EXD3: variants seen among roughly 807,000 people sequenced by gnomAD.
The protein encoded by EXD3 is exonuclease 3'-5' domain containing 3.
In EXD3, 92 loss-of-function variants were observed where a neutral mutation model predicts 98.0. The observed-to-expected ratio is 0.94, with a 90% CI of 0.79 to 1.12. The LOEUF (loss-of-function observed/expected upper bound fraction) is 1.12. Among genes scored for constraint, EXD3 ranks in the 50% most tolerant of loss-of-function variants. EXD3 has a pLI of 0.00. For missense variants in EXD3, 1,222 were observed against 1,191.6 expected, an observed-to-expected ratio of 1.03 and a Z score of -0.38; for synonymous variants, 569 against 526.0, an observed-to-expected ratio of 1.08 and a Z score of -1.12.
intron 17 of EXD3, among the ~76,000 whole-genome samples, chr9:137,342,786 A>G (rs1165273594): frequency 6.6e-6 from 1 of 152,210 alleles, no homozygotes; most frequent in Non-Finnish European, 1.5e-5. Context: ...ATAAAGTGCA[A>G]ATAGCTAGGG....
intron 17 of EXD3, among the ~76,000 whole-genome samples, chr9:137,336,625 T>A (rs1208553956): frequency 7.3e-6 from 1 of 136,734 alleles, no homozygotes; most frequent in African/African-American, 2.8e-5. Flanking sequence ...GCCACTGCAC[T>A]CCAGCCTGGG....
At position 137,349,100 on chromosome 9, in the gene EXD3, C is replaced by T; in HGVS notation, c.1830+10G>A. 1.3e-6 allele frequency: 2 copies of T among 1,587,966 alleles called. No individual in the cohort carries two copies. The highest frequency in any genetic ancestry group is 2.2e-5 in the South Asian group (2 of 89,444). On this transcript the variant is annotated intron_variant, in intron 16 of 21. Transcript: ENST00000340951. The surrounding 1 kb of genome is among the most constrained non-coding windows in gnomAD (Gnocchi z 7.4). Reference sequence around the variant, plus strand: ...ATGCTGACAAACGGACCCTGCGGGGCTTCACCCACCTGCCTGGGTGCGGCC... The same window carrying T: ...ATGCTGACAAACGGACCCTGCGGGGTTTCACCCACCTGCCTGGGTGCGGCC...
In EXD3 at chr9:137,351,123, T is replaced by G. The variant is rs747041693; in HGVS notation, c.1409A>C (p.Gln470Pro). 1.5e-5 allele frequency: 23 copies of G among 1,581,886 alleles called. No individual in the cohort carries two copies. The highest frequency in any genetic ancestry group is 8.6e-7 in the Non-Finnish European group (1 of 1,164,854). ...KLGYGMVGDL[Q>P]KLGTSCPALA... ...GGCGGGGCAGGACGTGCCCAGTTTT[T>G]GCAGGTCCCCCACCATCCCGTAGCC... Residue 470 changes from glutamine to proline, a missense_variant, in exon 14 of 22, where the codon CAA (glutamine) becomes CCA (proline). Transcript: ENST00000340951.
In EXD3 at chr9:137,324,392, T is replaced by C. The variant is rs866386213; in HGVS notation, c.1999-249A>G. Among the ~76,000 whole-genome samples, 6 of 151,968 alleles carry C rather than the reference T, an allele frequency of 3.9e-5. No individual in the cohort carries two copies. In the South Asian group the frequency reaches 1.0e-3, roughly 26 times the overall value. Reference sequence around the variant, plus strand: ...TTTTTTTTCATAATTAGAAACAAAATTGAATTTAAAAAGCCATCCCTCAAA... The same window carrying C: ...TTTTTTTTCATAATTAGAAACAAAACTGAATTTAAAAAGCCATCCCTCAAA... On this transcript the variant is annotated intron_variant, in intron 17 of 21. Coordinates refer to ENST00000340951, the MANE Select transcript of EXD3 (RefSeq NM_017820.5). This position sits in a 1 kb window ranked among gnomAD's most constrained non-coding sequence, Gnocchi z 4.1.
intron 1 of EXD3, among the ~76,000 whole-genome samples, chr9:137,409,245 CGA>C (rs1174968495): frequency 6.6e-6 from 1 of 152,204 alleles, no homozygotes; most frequent in Non-Finnish European, 1.5e-5. Flanking sequence ...ATGGCTGCCC[CGA>C]GCCGCCTCAG....
rs1041168710 is a variant in EXD3 at position 137,387,131 on chromosome 9, G to A, written c.56-3754C>T. The stretch of plus-strand genomic sequence containing the variant: ...CTACTCCTTGTCTGCCTCCCTCAGC[G>A]CCTCTGTTCCCTGCCTGGCCCTCGG... On this transcript the variant is annotated intron_variant, in intron 2 of 21. Transcript: ENST00000340951. Among the ~76,000 whole-genome samples, 78 of 136,160 alleles carry A rather than the reference G, an allele frequency of 5.7e-4. 4 individuals are homozygous for A. Among genetic ancestry groups the A allele is most frequent in the African/African-American group, 1.4e-3 (48 of 35,082 alleles). The allele number at this position is 136,160 out of a possible 152,430, so 89.3% of individuals were successfully genotyped here.
intron 2 of EXD3, among the ~76,000 whole-genome samples, chr9:137,394,134 T>C (rs1345478665): frequency 6.6e-6 from 1 of 150,854 alleles, no homozygotes; most frequent in Non-Finnish European, 1.5e-5. Context: ...AACCCCAGCC[T>C]CCCAGCCTCC....
chr9:137,363,767 T>C (rs1296454648), intron 7 of EXD3, among the ~76,000 whole-genome samples: 1 of 152,166 alleles, frequency 6.6e-6, no homozygotes, highest in African/African-American at 2.4e-5. Flanking sequence ...ATAGGACTAT[T>C]TAAGTGTTCT....
chr9:137,373,043 G>A lies in EXD3; in HGVS notation c.324C>T (p.Ala108=), dbSNP rs1174223693. The A allele has an allele frequency of 6.3e-7, 1 of 1,595,988 alleles. No homozygotes were observed. Among genetic ancestry groups the A allele is most frequent in the South Asian group, 1.1e-5 (1 of 89,602 alleles). Residue 108 remains alanine, a synonymous_variant, in exon 5 of 22, where the codon GCC becomes GCT. Transcript: ENST00000340951. Reference sequence around the variant, plus strand: ...TCTCAGTGAGGACTTTGACCGCTCGGGCCTGCAGCTGCTTCAGCCTCAGGC... The same window carrying A: ...TCTCAGTGAGGACTTTGACCGCTCGAGCCTGCAGCTGCTTCAGCCTCAGGC... The part of the protein sequence containing the change: ...QHSLRLKQLQ[A]RAVKVLTESP...
intron 6 of EXD3, 199 bp downstream of exon 6, chr9:137,367,737 G>A (rs781695659): frequency 3.0e-5 from 17 of 561,348 alleles, no homozygotes; most frequent in Non-Finnish European, 5.4e-5. Flanking sequence ...TCGTGTACGT[G>A]CGGCTGCGTC....
At chr9:137,355,619 A>ACGGAGGAAGGAGG (rs1468887324) in intron 8 of EXD3, among the ~76,000 whole-genome samples, 1 of 32,172 alleles carries the variant, frequency 3.1e-5, no homozygotes. Context: ...AGGAAGGAGG[A>ACGGAGGAAGGAGG]AGGGAGGATG....
At chr9:137,373,375 G>A in intron 4 of EXD3, 51 bp downstream of exon 4, 2 of 1,583,324 alleles carry the variant, frequency 1.3e-6, no homozygotes, top group Non-Finnish European at 1.7e-6. Context: ...CCACTATGCT[G>A]AGGGGCAGGG....
intron 1 of EXD3, among the ~76,000 whole-genome samples, chr9:137,397,111 G>T (rs60519032): frequency 0.022 from 3,302 of 152,272 alleles, 86 homozygotes; most frequent in African/African-American, 0.065. Flanking sequence ...GCCACACAGC[G>T]CCTGACACAC....
chr9:137,353,691 C>G (rs1248137595), intron 10 of EXD3: 1 of 985,586 alleles, frequency 1.0e-6, no homozygotes, highest in Non-Finnish European at 1.2e-6. Flanking sequence ...GGGCCCAGCA[C>G]AAGCGAGGGT....
At chr9:137,327,776 T>A (rs1832525243) in intron 17 of EXD3, among the ~76,000 whole-genome samples, 1 of 150,988 alleles carries the variant, frequency 6.6e-6, no homozygotes, top group Admixed American at 6.6e-5. Flanking sequence ...ATAGGATGAG[T>A]AAAAACAACA....
chr9:137,420,606 G>A (rs1838465862), intron 1 of EXD3, among the ~76,000 whole-genome samples: 1 of 152,128 alleles, frequency 6.6e-6, no homozygotes, highest in African/African-American at 2.4e-5. Flanking sequence ...AAGCCCCTTG[G>A]GATGACTGGA....
At chr9:137,414,554 C>A (rs1352617822) in intron 1 of EXD3, among the ~76,000 whole-genome samples, 10 of 152,150 alleles carry the variant, frequency 6.6e-5, no homozygotes, top group Non-Finnish European at 1.5e-4. Flanking sequence ...AGTGGACGTG[C>A]CATTTTACGC....
At chr9:137,340,198 C>T (rs768030517) in intron 17 of EXD3, among the ~76,000 whole-genome samples, 11 of 152,158 alleles carry the variant, frequency 7.2e-5, no homozygotes, top group South Asian at 2.1e-4. Context: ...TTGAAAGAGG[C>T]GGGGCGTGGT....
chr9:137,353,970 G>C, intron 10 of EXD3: 2 of 1,083,900 alleles, frequency 1.8e-6, no homozygotes, highest in Non-Finnish European at 2.2e-6. Flanking sequence ...CGCTGGCACC[G>C]GGCTGGGGGG....
Sources: gnomAD v4.1 joint callset for allele counts (sites outside exome capture counted in the v4.1 genomes callset) on GRCh38, gnomAD v4.1.1 for gene constraint, Gnocchi (gnomAD v3.1) non-coding constraint, MANE v1.5 for transcripts, NCBI Gene and HGNC (gene_info 2026-07-23, HGNC 2026-07-21) for gene names.